Variants in EXTL3 observed in about 807,000 individuals in gnomAD.
The protein encoded by EXTL3 is exostosin-like 3.
Under a neutral mutation model 69.3 loss-of-function variants are expected in EXTL3, and 27 were observed. The observed-to-expected ratio is 0.39, with a 90% confidence interval of 0.29 to 0.54. EXTL3 has a LOEUF of 0.54. Among genes scored for constraint, EXTL3 ranks in the 20% least tolerant of loss-of-function variants. EXTL3 has a pLI of 0.69. For missense variants in EXTL3, 1,003 were observed against 1,231.8 expected (o/e 0.81, Z 2.78); for synonymous variants, 511 against 499.4 (o/e 1.02, Z -0.31).
intron 1 of EXTL3, among the ~76,000 whole-genome samples, chr8:28,688,766 A>G (rs1489659743): frequency 1.3e-5 from 2 of 152,238 alleles, no homozygotes; most frequent in South Asian, 2.1e-4. Flanking sequence ...TTGACCATGT[A>G]TGTAGCAAAG....
At chr8:28,656,260 C>T (rs2130612670) in intron 1 of EXTL3, among the ~76,000 whole-genome samples, 1 of 151,956 alleles carries the variant, frequency 6.6e-6, no homozygotes, top group East Asian at 1.9e-4. Flanking sequence ...GCCTCTGCCT[C>T]CTGGGAGGTT....
At chr8:28,609,089 G>A (rs1270893534) in intron 2 of EXTL3, among the ~76,000 whole-genome samples, 3 of 152,032 alleles carry the variant, frequency 2.0e-5, no homozygotes, top group African/African-American at 7.3e-5. Flanking sequence ...AGAGTCACAG[G>A]TCATGCAAAG....
At chr8:28,648,354 C>A (rs1470649147) in intron 1 of EXTL3, among the ~76,000 whole-genome samples, 1 of 152,158 alleles carries the variant, frequency 6.6e-6, no homozygotes, top group Non-Finnish European at 1.5e-5. Flanking sequence ...CCCCCATATC[C>A]CTCTTCCTCT....
At chr8:28,619,963 C>T (rs1207126166), upstream of EXTL3, among the ~76,000 whole-genome samples, 1 of 140,254 alleles carries the variant, frequency 7.1e-6, no homozygotes, top group African/African-American at 2.6e-5. Context: ...CTCCACCTCC[C>T]GGGTTCACGC....
At position 28,609,384 on chromosome 8, in the gene EXTL3, A is replaced by C. The variant is rs147921443; in HGVS notation, n.314+1626A>C. On this transcript the variant is annotated intron_variant and non_coding_transcript_variant, in intron 2 of 4. Coordinates refer to the EXTL3 transcript ENST00000522725. ...GGAGGGTGGTACAGTAAAAGTGGAG[A>C]GTGGACTTGGGTGCATTTCGGACAT... is the stretch of plus-strand genomic sequence containing the variant. 2.8e-4 allele frequency among the ~76,000 whole-genome samples: 42 copies of C among 151,860 alleles called. No individual in the cohort carries two copies. The East Asian group carries it at 7.7e-3, about 28-fold the overall frequency.
chr8:28,713,695 G>A, intron 2 of EXTL3, 145 bp downstream of exon 2: 1 of 603,054 alleles, frequency 1.7e-6, no homozygotes, highest in South Asian at 2.0e-5. Context: ...TGAATCACAA[G>A]GATAATGTAA....
intron 1 of EXTL3, among the ~76,000 whole-genome samples, chr8:28,686,920 G>T (rs906193968): frequency 6.6e-6 from 1 of 152,106 alleles, no homozygotes; most frequent in Admixed American, 6.6e-5. Context: ...TCATTAGTAG[G>T]TTTATGGCAT....
chr8:28,745,265 A>G (rs1801865639), intron 6 of EXTL3, among the ~76,000 whole-genome samples: 2 of 152,244 alleles, frequency 1.3e-5, no homozygotes, highest in Non-Finnish European at 2.9e-5. Flanking sequence ...GCAGCAAAGC[A>G]TAACAAAGAA....
intron 1 of EXTL3, among the ~76,000 whole-genome samples, chr8:28,709,519 C>T (rs910285230): frequency 2.0e-5 from 3 of 151,874 alleles, no homozygotes; most frequent in African/African-American, 2.4e-5. Context: ...CCTGTCTCTC[C>T]GGGTGAGTGT....
At chr8:28,665,501 T>C (rs1807182767) in intron 1 of EXTL3, among the ~76,000 whole-genome samples, 1 of 148,202 alleles carries the variant, frequency 6.7e-6, no homozygotes, top group Non-Finnish European at 1.5e-5. Context: ...AGCCTCAATC[T>C]CCTGGGCTCA....
intron 3 of EXTL3, among the ~76,000 whole-genome samples, chr8:28,723,077 T>TC (rs1156436898): frequency 6.6e-6 from 1 of 152,132 alleles, no homozygotes; most frequent in Non-Finnish European, 1.5e-5. Context: ...AGAGTGGAGA[T>TC]CATTCTCAGG....
chr8:28,716,402 G>A lies in EXTL3; in HGVS notation c.343G>A (p.Glu115Lys), dbSNP rs760548680. ...GATCGCCAAGCTGAATCTGAAGATC[G>A]AAGCCTGTAAGAAGAGCATTGAGAA... Reference protein sequence around the residue: ...SEIAKLNLKIEACKKSIENAK... With the variant: ...SEIAKLNLKIKACKKSIENAK... The change falls in exon 3 of 7, where the codon GAA becomes AAA. Residue 115 changes from glutamate (E) to lysine (K), a missense_variant. Physicochemically the swap from Glu to Lys is moderately conservative, Grantham distance 56. Around this residue, in one of 2 missense-constraint regions of EXTL3, gnomAD observed 742 missense variants for 815.4 expected, o/e 0.91. Coordinates refer to ENST00000220562, the MANE Select transcript of EXTL3 (RefSeq NM_001440.4). The surrounding 1 kb of genome is among the most constrained non-coding windows in gnomAD (Gnocchi z 7.1). 3.1e-6 allele frequency: 5 copies of A among 1,613,640 alleles called. No individual in the cohort carries two copies. Among genetic ancestry groups the A allele is most frequent in the African/African-American group, 1.3e-5 (1 of 74,932 alleles).
At chr8:28,728,324 C>G (rs993773633) in intron 3 of EXTL3, among the ~76,000 whole-genome samples, 1 of 152,254 alleles carries the variant, frequency 6.6e-6, no homozygotes, top group Non-Finnish European at 1.5e-5. Context: ...AAGGTGAGCA[C>G]TTGGCATCTG....
chr8:28,673,759 CTATCTATA>C (rs1368791834), intron 1 of EXTL3, among the ~76,000 whole-genome samples: 4 of 152,140 alleles, frequency 2.6e-5, no homozygotes, highest in Non-Finnish European at 5.9e-5. Context: ...ATCTCTATGT[CTATCTATA>C]TATAGAGATA....
In EXTL3 at chr8:28,717,758, A is replaced by G. The variant is rs777077240; in HGVS notation, c.1699A>G (p.Met567Val). 5 of 1,614,092 alleles carry G rather than the reference A, an allele frequency of 3.1e-6. No individual in the cohort carries two copies. The highest frequency in any genetic ancestry group is 1.7e-5 in the Admixed American group (1 of 60,026). Residue 567 changes from methionine (M) to valine (V), a missense_variant, in exon 3 of 7, where the codon ATG (methionine) becomes GTG (valine). Physicochemically the swap from Met to Val is conservative, Grantham distance 21 (BLOSUM62 1). This residue lies in a region of EXTL3 where 742 missense variants were observed against 815.4 expected (regional missense o/e 0.91). Coordinates refer to ENST00000220562, the MANE Select transcript of EXTL3 (RefSeq NM_001440.4). This position sits in a 1 kb window ranked among gnomAD's most constrained non-coding sequence, Gnocchi z 8.3. ...SGKAAGTDPN[M>V]ADNGDLDLGP... Reference sequence around the variant, plus strand: ...CAAGGCGGCTGGAACTGACCCCAACATGGCTGACAACGGGGACCTGGACCT... The same window carrying G: ...CAAGGCGGCTGGAACTGACCCCAACGTGGCTGACAACGGGGACCTGGACCT...
At chr8:28,619,113 A>C (rs1466612370), upstream of EXTL3, among the ~76,000 whole-genome samples, 39 of 138,674 alleles carry the variant, frequency 2.8e-4, 1 homozygote, top group Non-Finnish European at 4.1e-4. Context: ...AAAAAAAAAA[A>C]AAACAGCAGA....
intron 3 of EXTL3, among the ~76,000 whole-genome samples, chr8:28,729,372 G>A (rs1259997318): frequency 1.3e-5 from 2 of 150,804 alleles, no homozygotes; most frequent in Non-Finnish European, 3.0e-5. Flanking sequence ...CAAGGTGGGC[G>A]GATCATGAGG....
Position 28,628,280 on chromosome 8 carries a change from C to G in EXTL3, c.-53+5470C>G, listed in dbSNP as rs552016690. Reference sequence around the variant, plus strand: ...GGGAGGCTGAGGCAGGAGAATCGCTCGAACCCAGGAGGCAGAGGTTGCAGT... The same window carrying G: ...GGGAGGCTGAGGCAGGAGAATCGCTGGAACCCAGGAGGCAGAGGTTGCAGT... On this transcript the variant is annotated intron_variant, in intron 1 of 6. Transcript: ENST00000523149. 4.0e-5 allele frequency among the ~76,000 whole-genome samples: 6 copies of G among 151,772 alleles called. No individual in the cohort carries two copies. In the East Asian group the frequency reaches 7.8e-4, roughly 20 times the overall value.
chr8:28,747,704 C>A (rs1033763014), intron 6 of EXTL3, among the ~76,000 whole-genome samples: 7 of 149,760 alleles, frequency 4.7e-5, no homozygotes, highest in Non-Finnish European at 8.9e-5. Flanking sequence ...TGTAAAAATA[C>A]GTATATATGT....
Sources: allele counts gnomAD v4.1 joint callset (sites outside exome capture counted in the v4.1 genomes callset), GRCh38; gene constraint gnomAD v4.1.1; regional missense constraint gnomAD v4.1.1; non-coding constraint Gnocchi (gnomAD v3.1); transcripts MANE v1.5; gene names NCBI Gene and HGNC (gene_info 2026-07-23, HGNC 2026-07-21).